The following LPAR5 variants were observed in gnomAD, a reference collection of about 807,000 sequenced individuals.
The protein encoded by LPAR5 is G protein-coupled receptor 92.
For synonymous variants in LPAR5, 271 were observed against 261.6 expected (o/e 1.04, Z -0.35); for missense variants, 544 against 521.8 (o/e 1.04, Z -0.41).
chr12:6,621,880 C>T (rs1299016130), intron 1 of LPAR5, among the ~76,000 whole-genome samples: 1 of 152,190 alleles, frequency 6.6e-6, no homozygotes, highest in Non-Finnish European at 1.5e-5. Context: ...GTAATCCCAG[C>T]ATTTTGGGAG....
Position 6,620,378 on chromosome 12 carries a change from C to T in LPAR5, c.871G>A (p.Val291Met), listed in dbSNP as rs752660214. Residue 291 changes from valine to methionine, a missense_variant, in exon 2 of 2, where the codon GTG (valine) becomes ATG (methionine). Physicochemically the swap from Val to Met is conservative, Grantham distance 21. Transcript: ENST00000329858. This position sits in a 1 kb window ranked among gnomAD's most constrained non-coding sequence, Gnocchi z 6.8. ...VMVLLAGANC[V>M]LDPLVYYFSA... is the part of the protein sequence containing the mutation. ...AAGTAGTACACCAGCGGGTCCAGCACGCAGTTGGCGCCGGCCAGCAGCACC... is the reference window on the plus strand; with the variant it reads ...AAGTAGTACACCAGCGGGTCCAGCATGCAGTTGGCGCCGGCCAGCAGCACC... The T allele has an allele frequency of 3.7e-6, 6 of 1,611,658 alleles. No homozygotes were observed. The South Asian group carries it at 6.6e-5, about 18-fold the overall frequency.
intron 1 of LPAR5, among the ~76,000 whole-genome samples, chr12:6,623,253 C>T (rs1054495549): frequency 1.4e-5 from 2 of 145,304 alleles, no homozygotes; most frequent in Non-Finnish European, 3.0e-5. Flanking sequence ...AAAAAAAAGG[C>T]GGCTGCATGG....
intron 1 of LPAR5, among the ~76,000 whole-genome samples, chr12:6,624,376 A>G (rs1565386695): frequency 2.6e-5 from 4 of 152,194 alleles, no homozygotes; most frequent in African/African-American, 4.8e-5. Context: ...CTCTGTTTCC[A>G]GAAATAGAAC....
At position 6,635,097 on chromosome 12, in the gene LPAR5, AAAAG is replaced by A. The variant is rs537732330; in HGVS notation, c.-217+806_-217+809del. The stretch of plus-strand genomic sequence containing the variant: ...GGGAGACTCTGTCTCAAAAAAAAAA[AAAAG>A]AAAGGAAGGAAGGAAGAGAGAAAAA... On this transcript the variant is annotated intron_variant, in intron 1 of 1. Transcript: ENST00000329858. Among the ~76,000 whole-genome samples, 1,010 of 143,922 alleles carry A rather than the reference AAAAG, an allele frequency of 7.0e-3. 4 individuals carry two copies. Among genetic ancestry groups the A allele is most frequent in the Middle Eastern group, 0.014 (4 of 286 alleles). The allele number at this position is 143,922 out of a possible 152,430, so 94.4% of individuals were successfully genotyped here.
At position 6,621,106 on chromosome 12, in the gene LPAR5, A is replaced by T; in HGVS notation, c.143T>A (p.Leu48Gln). ...CACCGAGTGCACGCGCAGCGCGCGCAGGAAGACCCAGAGGGCTAGCGCGTT... is the reference window on the plus strand; with the variant it reads ...CACCGAGTGCACGCGCAGCGCGCGCTGGAAGACCCAGAGGGCTAGCGCGTT... The part of the protein sequence containing the change: ...PLNALALWVF[L>Q]RALRVHSVVS... Residue 48 changes from leucine (L) to glutamine (Q), a missense_variant, in exon 2 of 2, where the codon CTG (leucine) becomes CAG (glutamine). Transcript: ENST00000329858. The T allele has an allele frequency of 1.2e-6, 2 of 1,603,644 alleles. No individual in the cohort carries two copies. Among genetic ancestry groups the T allele is most frequent in the Non-Finnish European group, 8.5e-7 (1 of 1,174,202 alleles).
chr12:6,624,467 T>C (rs1462087992), intron 1 of LPAR5, among the ~76,000 whole-genome samples: 1 of 152,038 alleles, frequency 6.6e-6, no homozygotes. Flanking sequence ...GGTTCTAGTC[T>C]ACTTTCTGTC....
At position 6,620,776 on chromosome 12, in the gene LPAR5, C is replaced by T. The variant is rs1179386988; in HGVS notation, c.473G>A (p.Arg158His). ...LILVFAVPAA[R>H]VHRPSRCRYR... ...GCGGCAACGCGAGGGCCTGTGCACGCGGGCGGCGGGCACGGCAAACACCAG... is the reference window on the plus strand; with the variant it reads ...GCGGCAACGCGAGGGCCTGTGCACGTGGGCGGCGGGCACGGCAAACACCAG... The change falls in exon 2 of 2, where the codon CGC (arginine) becomes CAC (histidine). Residue 158 changes from arginine (R) to histidine (H), a missense_variant. Arg to His is a conservative substitution (Grantham distance 29, BLOSUM62 0). Transcript: ENST00000329858. This position sits in a 1 kb window ranked among gnomAD's most constrained non-coding sequence, Gnocchi z 6.8. The T allele has an allele frequency of 5.7e-6, 9 of 1,585,230 alleles. No homozygotes were observed. The highest frequency in any genetic ancestry group is 7.7e-6 in the Non-Finnish European group (9 of 1,166,446).
chr12:6,623,661 T>C (rs1488887743), intron 1 of LPAR5, among the ~76,000 whole-genome samples: 3 of 152,182 alleles, frequency 2.0e-5, no homozygotes, highest in African/African-American at 7.2e-5. Flanking sequence ...ACTGAGCTCA[T>C]AGAAAGTTCC....
Position 6,620,962 on chromosome 12 carries a change from G to A in LPAR5, c.287C>T (p.Thr96Met), listed in dbSNP as rs376073989. ...GTTCATCTGGAAGATGGCGCCCGTC[G>A]TCTGGCACAGGAGGTCGGGGAAGGG... ...HWPFPDLLCQ[T>M]TGAIFQMNMY... Residue 96 changes from threonine (T) to methionine (M), a missense_variant, in exon 2 of 2, where the codon ACG (threonine) becomes ATG (methionine). Transcript: ENST00000329858. This position sits in a 1 kb window ranked among gnomAD's most constrained non-coding sequence, Gnocchi z 6.8. The A allele has an allele frequency of 2.5e-6, 4 of 1,613,014 alleles. No individual in the cohort carries two copies. In the African/African-American group the frequency reaches 5.3e-5, roughly 22 times the overall value.
chr12:6,630,719 T>G (rs1020160613), intron 1 of LPAR5, among the ~76,000 whole-genome samples: 5 of 151,878 alleles, frequency 3.3e-5, no homozygotes, highest in African/African-American at 1.2e-4. Flanking sequence ...CCCAAAGTGC[T>G]GAGATTATAG....
At chr12:6,632,971 C>T (rs1348692894) in intron 1 of LPAR5, among the ~76,000 whole-genome samples, 1 of 152,190 alleles carries the variant, frequency 6.6e-6, no homozygotes, top group Non-Finnish European at 1.5e-5. Flanking sequence ...TGCCTTTCCC[C>T]ACCCTTCTCT....
In LPAR5 at chr12:6,620,791, G is replaced by T; in HGVS notation, c.458C>A (p.Ala153Asp). Residue 153 changes from alanine to aspartate, a missense_variant, in exon 2 of 2, where the codon GCC becomes GAC. By Grantham distance (126) the Ala-to-Asp change is moderately radical (BLOSUM62 -2). Transcript: ENST00000329858. The surrounding 1 kb of genome is among the most constrained non-coding windows in gnomAD (Gnocchi z 6.8). ...LGVWALILVF[A>D]VPAARVHRPS... Reference sequence around the variant, plus strand: ...CCTGTGCACGCGGGCGGCGGGCACGGCAAACACCAGGATGAGCGCCCACAC... The same window carrying T: ...CCTGTGCACGCGGGCGGCGGGCACGTCAAACACCAGGATGAGCGCCCACAC... 6.3e-7 allele frequency: 1 copy of T among 1,579,376 alleles called. No individual in the cohort carries two copies. Among genetic ancestry groups the T allele is most frequent in the Non-Finnish European group, 8.6e-7 (1 of 1,163,388 alleles).
intron 1 of LPAR5, among the ~76,000 whole-genome samples, chr12:6,631,178 A>T (rs1036505721): frequency 3.3e-5 from 5 of 152,234 alleles, no homozygotes; most frequent in African/African-American, 1.2e-4. Flanking sequence ...GATGTCAGGT[A>T]AGTATACCAC....
At chr12:6,625,720 C>CAAAA in intron 1 of LPAR5, among the ~76,000 whole-genome samples, 2 of 138,590 alleles carry the variant, frequency 1.4e-5, no homozygotes, top group Non-Finnish European at 3.1e-5. Context: ...GACTCCGTCT[C>CAAAA]AAAAAAAAAA....
intron 1 of LPAR5, among the ~76,000 whole-genome samples, chr12:6,628,287 C>T (rs888324980): frequency 7.9e-5 from 12 of 152,162 alleles, no homozygotes; most frequent in African/African-American, 2.7e-4. Flanking sequence ...TCTCAAAGAG[C>T]TGGGATTACA....
At chr12:6,625,374 G>A (rs536992810) in intron 1 of LPAR5, among the ~76,000 whole-genome samples, 23 of 146,194 alleles carry the variant, frequency 1.6e-4, no homozygotes, top group Non-Finnish European at 2.1e-4. Flanking sequence ...GCAGTGAGCC[G>A]AGATTGAGCC....
At position 6,619,747 on chromosome 12, in the gene LPAR5, CT is replaced by C. The variant is rs918833427; in HGVS notation, c.*382del. 2.6e-6 allele frequency: 1 copy of C among 377,810 alleles called. No homozygotes were observed. Among genetic ancestry groups the C allele is most frequent in the Admixed American group, 3.6e-5 (1 of 27,922 alleles). 23.4% of individuals were successfully genotyped at this position (377,810 alleles called of 1,614,324 possible). A position where few individuals can be genotyped will look rare whatever the true frequency, so the allele number is the denominator to read the frequency against. ...AGCTTTGTCCACCAAACCTGGTGCT[CT>C]TCAGCTCTCAGGCCCCTGTGGCGGT... On this transcript the variant is annotated 3_prime_UTR_variant, in exon 2 of 2. Transcript: ENST00000329858.
At chr12:6,627,753 T>G (rs921532923) in intron 1 of LPAR5, among the ~76,000 whole-genome samples, 1 of 152,060 alleles carries the variant, frequency 6.6e-6, no homozygotes, top group Non-Finnish European at 1.5e-5. Flanking sequence ...CACATTTCAC[T>G]CTCTGCATTT....
At chr12:6,629,403 G>A (rs1205607546) in intron 1 of LPAR5, among the ~76,000 whole-genome samples, 9 of 144,552 alleles carry the variant, frequency 6.2e-5, no homozygotes, top group East Asian at 2.1e-4. Context: ...GGCCAAGCGC[G>A]GTGGCTTACA....
Sources: gnomAD v4.1 joint callset for allele counts (sites outside exome capture counted in the v4.1 genomes callset) on GRCh38, gnomAD v4.1.1 for gene constraint, Gnocchi (gnomAD v3.1) non-coding constraint, MANE v1.5 for transcripts, NCBI Gene and HGNC (gene_info 2026-07-23, HGNC 2026-07-21) for gene names.